Variants in MTUS2 observed in about 807,000 individuals in gnomAD.
MTUS2 encodes microtubule associated scaffold protein 2, also known as microtubule-associated tumor suppressor candidate 2.
MTUS2 carries 40 observed loss-of-function variants against 114.1 expected under a neutral mutation model. The ratio of observed to expected loss-of-function variants is 0.35; its 90% CI spans 0.27 to 0.46. The LOEUF is 0.46. Ranked by LOEUF, MTUS2 falls within the 20% of genes least tolerant of loss-of-function variation. MTUS2 has a pLI of 1.00. For synonymous variants in MTUS2, 688 were observed against 672.0 expected, an observed-to-expected ratio of 1.02 and a Z score of -0.37; for missense variants, 1,679 against 1,705.4, an observed-to-expected ratio of 0.98 and a Z score of 0.27.
intron 5 of MTUS2, among the ~76,000 whole-genome samples, chr13:29,194,988 C>T (rs1398358911): frequency 2.9e-4 from 43 of 149,284 alleles, no homozygotes; most frequent in East Asian, 2.0e-3. Flanking sequence ...AGTAAACTAT[C>T]GCAAGAACAA....
chr13:29,418,790 G>A (rs922718520), intron 8 of MTUS2, among the ~76,000 whole-genome samples: 1 of 152,214 alleles, frequency 6.6e-6, no homozygotes, highest in African/African-American at 2.4e-5. Flanking sequence ...GTGGTGAAAT[G>A]TCCGCGTTCT....
intron 2 of MTUS2, among the ~76,000 whole-genome samples, chr13:29,001,861 A>G (rs1306072938): frequency 6.6e-6 from 1 of 152,216 alleles, no homozygotes; most frequent in Non-Finnish European, 1.5e-5. Context: ...TGTGATGATC[A>G]AAACAGAAGC....
At chr13:29,144,814 A>G (rs543558367) in intron 5 of MTUS2, among the ~76,000 whole-genome samples, 2 of 152,218 alleles carry the variant, frequency 1.3e-5, no homozygotes, top group African/African-American at 4.8e-5. Flanking sequence ...TAAATAAGTC[A>G]CAGGTTCCAC....
chr13:29,244,579 A>G (rs1896842291), intron 5 of MTUS2, among the ~76,000 whole-genome samples: 1 of 152,168 alleles, frequency 6.6e-6, no homozygotes, highest in Non-Finnish European at 1.5e-5. Context: ...TGGTTGGCGC[A>G]TGCTATTGGA....
intron 2 of MTUS2, among the ~76,000 whole-genome samples, chr13:28,881,946 G>T (rs1420071281): frequency 6.6e-6 from 1 of 152,172 alleles, no homozygotes; most frequent in Non-Finnish European, 1.5e-5. Context: ...AGGTATCAAG[G>T]TATTGCAATG....
At chr13:29,007,174 A>G (rs1217772211) in intron 2 of MTUS2, among the ~76,000 whole-genome samples, 1 of 152,230 alleles carries the variant, frequency 6.6e-6, no homozygotes, top group African/African-American at 2.4e-5. Flanking sequence ...CATTAAAATT[A>G]TCTAAACCTT....
At chr13:28,906,406 C>T (rs1469980304) in intron 2 of MTUS2, among the ~76,000 whole-genome samples, 2 of 151,008 alleles carry the variant, frequency 1.3e-5, no homozygotes, top group Non-Finnish European at 2.9e-5. Flanking sequence ...CTATAAATTT[C>T]CCTCTACACA....
intron 2 of MTUS2, among the ~76,000 whole-genome samples, chr13:29,006,735 A>G (rs916832873): frequency 1.3e-5 from 2 of 152,146 alleles, no homozygotes; most frequent in Non-Finnish European, 2.9e-5. Flanking sequence ...TCTTCTAGGG[A>G]GCACACTACC....
intron 5 of MTUS2, among the ~76,000 whole-genome samples, chr13:29,143,316 T>C (rs1892302016): frequency 6.6e-6 from 1 of 152,240 alleles, no homozygotes. Flanking sequence ...TTCAATTTCA[T>C]AAGGCAGACA....
At chr13:29,079,330 C>T (rs530361760) in intron 4 of MTUS2, among the ~76,000 whole-genome samples, 201 of 152,164 alleles carry the variant, frequency 1.3e-3, no homozygotes, top group African/African-American at 4.5e-3. Flanking sequence ...ATATTAGACA[C>T]TTATTTGCAA....
At chr13:29,114,844 A>G (rs1014169472) in intron 5 of MTUS2, among the ~76,000 whole-genome samples, 3 of 152,226 alleles carry the variant, frequency 2.0e-5, no homozygotes, top group African/African-American at 7.2e-5. Context: ...TGTATTTTCA[A>G]TTAAGGGCAA....
At chr13:29,043,710 CT>C (rs5802502) in intron 4 of MTUS2, among the ~76,000 whole-genome samples, 144,903 of 151,598 alleles carry the variant, frequency 0.96, 69,358 homozygotes, top group South Asian at 0.98. Context: ...TCCTGTTTGT[CT>C]TTTTTTAACT....
At chr13:29,417,417 T>G (rs1300845136) in intron 8 of MTUS2, among the ~76,000 whole-genome samples, 1 of 152,224 alleles carries the variant, frequency 6.6e-6, no homozygotes, top group Non-Finnish European at 1.5e-5. Context: ...TTTTTTCTTT[T>G]CAGATAGTCT....
intron 6 of MTUS2, among the ~76,000 whole-genome samples, chr13:29,296,349 C>G (rs1379310759): frequency 6.6e-6 from 1 of 151,988 alleles, no homozygotes; most frequent in Non-Finnish European, 1.5e-5. Context: ...GGATTACAGA[C>G]ACACACCACC....
At chr13:28,988,246 G>A (rs931251922) in intron 2 of MTUS2, among the ~76,000 whole-genome samples, 5 of 152,212 alleles carry the variant, frequency 3.3e-5, no homozygotes, top group Admixed American at 1.3e-4. Context: ...GGATACCACA[G>A]CAAGATTAAT....
At chr13:29,452,477 A>T (rs899710867) in intron 9 of MTUS2, among the ~76,000 whole-genome samples, 12 of 151,700 alleles carry the variant, frequency 7.9e-5, no homozygotes, top group Admixed American at 7.9e-4. Context: ...GTGCAATTGT[A>T]ACTCCTGGGC....
At chr13:29,095,812 C>A (rs1371981673) in intron 4 of MTUS2, among the ~76,000 whole-genome samples, 1 of 151,686 alleles carries the variant, frequency 6.6e-6, no homozygotes, top group Non-Finnish European at 1.5e-5. Context: ...CTAAACTTTC[C>A]ATTTGGTTTT....
At chr13:29,017,494 G>A (rs149058024) in intron 2 of MTUS2, among the ~76,000 whole-genome samples, 2 of 152,234 alleles carry the variant, frequency 1.3e-5, no homozygotes, top group African/African-American at 4.8e-5. Context: ...CGAAACCCAT[G>A]CCTCCTTTTA....
chr13:29,349,514 A>C (rs922918428), intron 7 of MTUS2, among the ~76,000 whole-genome samples: 2 of 109,872 alleles, frequency 1.8e-5, no homozygotes, highest in Non-Finnish European at 4.0e-5. Flanking sequence ...CTGCACTTCT[A>C]TCTGGTATCA....
Sources: gnomAD v4.1 joint callset for allele counts (sites outside exome capture counted in the v4.1 genomes callset) on GRCh38, gnomAD v4.1.1 for gene constraint, MANE v1.5 for transcripts, NCBI Gene and HGNC (gene_info 2026-07-23, HGNC 2026-07-21) for gene names.